Variants in FMN1 observed in about 807,000 individuals in gnomAD.
The protein encoded by FMN1 is formin-1.
FMN1 carries 110 observed loss-of-function variants against 132.4 expected under a neutral mutation model. The observed-to-expected ratio is 0.83, with a 90% CI of 0.71 to 0.97. The LOEUF (loss-of-function observed/expected upper bound fraction) is 0.97. Ranked by LOEUF, FMN1 falls within the 50% of genes least tolerant of loss-of-function variation. The probability of loss-of-function intolerance (pLI) is 0.00; values close to 1 mark genes in which losing one functional copy is unlikely to be tolerated. For missense variants in FMN1, 1,792 were observed against 1,705.3 expected, an observed-to-expected ratio of 1.05 and a Z score of -0.90; for synonymous variants, 722 against 651.7, an observed-to-expected ratio of 1.11 and a Z score of -1.64.
intron 6 of FMN1, among the ~76,000 whole-genome samples, chr15:33,019,051 C>G (rs1479889776): frequency 6.6e-6 from 1 of 152,204 alleles, no homozygotes; most frequent in African/African-American, 2.4e-5. Context: ...GAGCGGGTTA[C>G]CACTGCTGGC....
chr15:33,018,726 G>A (rs374839104), intron 6 of FMN1, among the ~76,000 whole-genome samples: 3 of 152,298 alleles, frequency 2.0e-5, no homozygotes, highest in African/African-American at 4.8e-5. Context: ...GTTCTTAAAG[G>A]TGGCGTGTCC....
At chr15:32,982,768 T>A (rs2032780618) in intron 7 of FMN1, among the ~76,000 whole-genome samples, 1 of 152,128 alleles carries the variant, frequency 6.6e-6, no homozygotes, top group Non-Finnish European at 1.5e-5. Flanking sequence ...AAGACTTTCC[T>A]GTCTTTACAC....
intron 7 of FMN1, among the ~76,000 whole-genome samples, chr15:32,982,223 G>A (rs1228137984): frequency 6.6e-6 from 1 of 152,156 alleles, no homozygotes; most frequent in East Asian, 1.9e-4. Flanking sequence ...GAGGAGGGAG[G>A]AGAGGGAGGA....
At chr15:33,126,518 T>C (rs1187807810) in intron 4 of FMN1, among the ~76,000 whole-genome samples, 1 of 152,070 alleles carries the variant, frequency 6.6e-6, no homozygotes, top group African/African-American at 2.4e-5. Flanking sequence ...TCTTATTCGC[T>C]GAGTACCTCC....
chr15:32,799,416 T>A (rs2339159), intron 18 of FMN1, among the ~76,000 whole-genome samples: 121,072 of 152,160 alleles, frequency 0.8, 48,461 homozygotes, highest in East Asian at 0.97. Flanking sequence ...TTCTATCCTT[T>A]TTCGGGCATA....
At chr15:33,067,656 C>T in intron 5 of FMN1, 5 of 1,614,014 alleles carry the variant, frequency 3.1e-6, no homozygotes, top group Non-Finnish European at 4.2e-6. Context: ...GGATCCAAGC[C>T]ATTGCTGGAA....
intron 9 of FMN1, among the ~76,000 whole-genome samples, chr15:32,952,952 T>A (rs932556106): frequency 6.6e-6 from 1 of 152,196 alleles, no homozygotes; most frequent in Non-Finnish European, 1.5e-5. Flanking sequence ...AATTAGCTTT[T>A]CCACCCTCTT....
At chr15:32,777,668 A>AACACATTTATATATTACGTATAACG (rs2056487547) in intron 19 of FMN1, among the ~76,000 whole-genome samples, 1 of 102,706 alleles carries the variant, frequency 9.7e-6, no homozygotes, top group Non-Finnish European at 2.0e-5. Flanking sequence ...TACGTATAAC[A>AACACATTTATATATTACGTATAACG]TAACACATTT....
At chr15:32,818,910 G>A (rs1345547772) in intron 17 of FMN1, among the ~76,000 whole-genome samples, 10 of 148,936 alleles carry the variant, frequency 6.7e-5, no homozygotes, top group African/African-American at 2.5e-4. Flanking sequence ...CAAGTGGCAC[G>A]AAGCTGATTT....
In FMN1 at chr15:32,772,087, T is replaced by A. The variant is rs1424350541; in HGVS notation, c.*2223A>T. On this transcript the variant is annotated 3_prime_UTR_variant, in exon 21 of 21. Coordinates refer to ENST00000616417, the MANE Select transcript of FMN1 (RefSeq NM_001277313.2). ...AAACCTTGCTTTGTAGAAATAGGTA[T>A]TTTACTGCAAAGTTTTAGTCTGTTC... The A allele has an allele frequency of 1.3e-5, 2 of 152,186 alleles. No homozygotes were observed. Among genetic ancestry groups the A allele is most frequent in the Non-Finnish European group, 2.9e-5 (2 of 68,038 alleles). The allele number at this position is 152,186 out of a possible 1,614,324, so 9.4% of individuals were successfully genotyped here.
chr15:32,991,030 A>C (rs2033402840), intron 7 of FMN1, among the ~76,000 whole-genome samples: 1 of 152,180 alleles, frequency 6.6e-6, no homozygotes, highest in Non-Finnish European at 1.5e-5. Flanking sequence ...ACCAAACGAG[A>C]AAAGAGCAGA....
At chr15:32,941,075 C>T (rs1005743295) in intron 9 of FMN1, among the ~76,000 whole-genome samples, 1 of 151,798 alleles carries the variant, frequency 6.6e-6, no homozygotes, top group African/African-American at 2.4e-5. Context: ...AAGCAGCCTG[C>T]GAAAAAAATC....
At chr15:33,001,090 C>T (rs1358560425) in intron 7 of FMN1, among the ~76,000 whole-genome samples, 3 of 152,184 alleles carry the variant, frequency 2.0e-5, no homozygotes, top group African/African-American at 7.2e-5. Context: ...CAAGATCAGC[C>T]TGGCCAACAT....
chr15:32,903,857 G>A (rs2060355451), intron 12 of FMN1, among the ~76,000 whole-genome samples: 2 of 152,142 alleles, frequency 1.3e-5, no homozygotes, highest in East Asian at 1.9e-4. Flanking sequence ...GCTTGCACTG[G>A]AAAAGCTCTT....
intron 2 of FMN1, among the ~76,000 whole-genome samples, chr15:33,185,639 C>G (rs1316209299): frequency 7.5e-6 from 1 of 132,536 alleles, no homozygotes; most frequent in Non-Finnish European, 1.5e-5. Context: ...GTGGCATGAT[C>G]TTGGCTCACT....
intron 3 of FMN1, among the ~76,000 whole-genome samples, chr15:33,173,432 G>T (rs1044406909): frequency 6.6e-6 from 1 of 152,190 alleles, no homozygotes; most frequent in African/African-American, 2.4e-5. Flanking sequence ...AGGTGAGAAA[G>T]CATGCTTGGT....
intron 4 of FMN1, among the ~76,000 whole-genome samples, chr15:33,105,525 A>T (rs1054141484): frequency 5.3e-5 from 8 of 152,136 alleles, no homozygotes; most frequent in Non-Finnish European, 1.0e-4. Context: ...GACCAGCTGA[A>T]ATGCTGCCTA....
At chr15:33,072,491 G>A (rs1183926618) in intron 5 of FMN1, among the ~76,000 whole-genome samples, 2 of 152,186 alleles carry the variant, frequency 1.3e-5, no homozygotes, top group Non-Finnish European at 2.9e-5. Context: ...AAAACAATCA[G>A]TACCTAGCTA....
chr15:32,949,930 G>A (rs1484739412), intron 9 of FMN1, among the ~76,000 whole-genome samples: 4 of 104,886 alleles, frequency 3.8e-5, no homozygotes, highest in African/African-American at 9.9e-5. Flanking sequence ...ACATGCATGA[G>A]GCCAAAAAGC....
Sources: gnomAD v4.1 joint callset for allele counts (sites outside exome capture counted in the v4.1 genomes callset) on GRCh38, gnomAD v4.1.1 for gene constraint, MANE v1.5 for transcripts, NCBI Gene and HGNC (gene_info 2026-07-23, HGNC 2026-07-21) for gene names.